KCNMA1: variants seen among roughly 807,000 people sequenced by gnomAD.
KCNMA1 encodes the protein potassium calcium-activated channel subfamily M alpha 1.
A neutral mutation model predicts 140.0 loss-of-function variants in KCNMA1; 29 were observed. The observed-to-expected ratio is 0.21, with a 90% CI of 0.15 to 0.28. The LOEUF (loss-of-function observed/expected upper bound fraction) is 0.28, where lower values mean the gene tolerates loss of function less well. Among genes scored for constraint, KCNMA1 ranks in the 10% least tolerant of loss-of-function variants. The probability of loss-of-function intolerance (pLI) is 1.00; values close to 1 mark genes in which losing one functional copy is unlikely to be tolerated. For synonymous variants in KCNMA1, 612 were observed against 611.9 expected, an observed-to-expected ratio of 1.00 and a Z score of 0.00; for missense variants, 880 against 1,602.2, an observed-to-expected ratio of 0.55 and a Z score of 7.70.
At position 77,084,620 on chromosome 10, in the gene KCNMA1, A is replaced by G; in HGVS notation, c.1523+17T>C. 1 of 1,608,198 alleles carries G rather than the reference A, an allele frequency of 6.2e-7. No homozygotes were observed. The highest frequency in any genetic ancestry group is 8.5e-7 in the Non-Finnish European group (1 of 1,174,524). ...GACTGCCAAGCCCAGGGCCTTCCGC[A>G]GCGCCCCAAGAGTTACCTCATGATA... On this transcript the variant is annotated intron_variant, in intron 12 of 27. Coordinates refer to ENST00000286628, the MANE Select transcript of KCNMA1 (RefSeq NM_001161352.2).
At chr10:77,203,642 C>G (rs914343410) in intron 3 of KCNMA1, among the ~76,000 whole-genome samples, 1 of 151,868 alleles carries the variant, frequency 6.6e-6, no homozygotes, top group Admixed American at 6.6e-5. Flanking sequence ...GCAAAATAGG[C>G]CCTCAATACA....
At chr10:77,044,748 C>T (rs542354313) in intron 14 of KCNMA1, among the ~76,000 whole-genome samples, 42 of 152,236 alleles carry the variant, frequency 2.8e-4, no homozygotes, top group Non-Finnish European at 5.7e-4. Flanking sequence ...TATGAATTCC[C>T]CTTTTATAGA....
intron 1 of KCNMA1, among the ~76,000 whole-genome samples, chr10:77,543,223 C>G (rs917024972): frequency 6.6e-6 from 1 of 152,102 alleles, no homozygotes; most frequent in Non-Finnish European, 1.5e-5. Context: ...GTGGTCCTAC[C>G]CAAAGGAGCA....
At chr10:77,154,387 G>A (rs2098459312) in intron 5 of KCNMA1, among the ~76,000 whole-genome samples, 1 of 152,150 alleles carries the variant, frequency 6.6e-6, no homozygotes, top group African/African-American at 2.4e-5. Flanking sequence ...ATCCAGCACT[G>A]TGCAGCCACC....
intron 21 of KCNMA1, among the ~76,000 whole-genome samples, chr10:76,950,389 C>A (rs1004721380): frequency 6.6e-6 from 1 of 152,198 alleles, no homozygotes; most frequent in Non-Finnish European, 1.5e-5. Context: ...AAACCTCTAT[C>A]TACAAAGGAG....
chr10:77,208,435 G>A (rs2044869798), intron 3 of KCNMA1, among the ~76,000 whole-genome samples: 1 of 152,146 alleles, frequency 6.6e-6, no homozygotes. Context: ...ACTGCAGTAA[G>A]TTATGATCAC....
At chr10:77,120,784 T>A (rs1189346527) in intron 6 of KCNMA1, among the ~76,000 whole-genome samples, 189 bp downstream of exon 6, 3 of 152,136 alleles carry the variant, frequency 2.0e-5, no homozygotes, top group Non-Finnish European at 4.4e-5. Flanking sequence ...CACCACATAG[T>A]TCCCTGGCCC....
intron 15 of KCNMA1, among the ~76,000 whole-genome samples, chr10:77,037,173 G>T (rs560046280): frequency 1.3e-5 from 2 of 152,306 alleles, no homozygotes; most frequent in South Asian, 2.1e-4. Flanking sequence ...CTGAAGGCCA[G>T]TGAAGTTCCA....
At chr10:76,873,957 G>T (rs569163764), downstream of KCNMA1, 1 of 152,246 alleles carries the variant, frequency 6.6e-6, no homozygotes, top group South Asian at 2.1e-4. Context: ...AACATAAATG[G>T]GGAAAATGGC....
chr10:77,082,073 G>C (rs1485758319), intron 12 of KCNMA1, among the ~76,000 whole-genome samples: 1 of 128,712 alleles, frequency 7.8e-6, no homozygotes. Flanking sequence ...CTGTTGCCCA[G>C]GCTGTAGTGC....
chr10:77,070,341 A>G (rs138361786), intron 14 of KCNMA1, among the ~76,000 whole-genome samples: 6 of 152,232 alleles, frequency 3.9e-5, no homozygotes, highest in African/African-American at 1.4e-4. Flanking sequence ...TAAAAAGCCC[A>G]GTGGATAGTC....
intron 1 of KCNMA1, among the ~76,000 whole-genome samples, chr10:77,522,192 A>AATAG (rs980815452): frequency 6.6e-6 from 1 of 151,292 alleles, no homozygotes; most frequent in African/African-American, 2.4e-5. Context: ...TAAATAAATA[A>AATAG]ATAAATAAAT....
rs2061877247 is a variant in KCNMA1, at chr10:76,941,018, G to GAAAGAAAGAAAGA, written c.2902+3754_2902+3755insTCTTTCTTTCTTT. ...GAAAGAAAGGAAGGAAGGAAGGAAG[G>GAAAGAAAGAAAGA]AAGAAAGAAAGAAAGAAAGAAAGAA... On this transcript the variant is annotated intron_variant, in intron 23 of 27. Transcript: ENST00000286628. 2.6e-4 allele frequency among the ~76,000 whole-genome samples: 10 copies of GAAAGAAAGAAAGA among 38,258 alleles called. 1 individual carries two copies. Among genetic ancestry groups the GAAAGAAAGAAAGA allele is most frequent in the African/African-American group, 9.4e-4 (7 of 7,472 alleles). The allele number at this position is 38,258 out of a possible 152,430, so 25.1% of individuals were successfully genotyped here. A position where few individuals can be genotyped will look rare whatever the true frequency, so the allele number is the denominator to read the frequency against.
intron 1 of KCNMA1, among the ~76,000 whole-genome samples, chr10:77,409,467 C>T (rs921737195): frequency 1.3e-5 from 2 of 152,160 alleles, no homozygotes; most frequent in African/African-American, 2.4e-5. Flanking sequence ...GTTGCCTCCC[C>T]GATAAGACAA....
At chr10:77,173,610 C>T (rs1414200921) in intron 5 of KCNMA1, among the ~76,000 whole-genome samples, 1 of 152,126 alleles carries the variant, frequency 6.6e-6, no homozygotes, top group Admixed American at 6.5e-5. Context: ...CTCAAACCCC[C>T]CAACCCCCAC....
At chr10:77,096,643 T>C (rs773962099) in intron 9 of KCNMA1, among the ~76,000 whole-genome samples, 10 of 152,152 alleles carry the variant, frequency 6.6e-5, no homozygotes, top group Non-Finnish European at 1.3e-4. Flanking sequence ...GGAACGAGTA[T>C]AAAGAACTTA....
chr10:77,214,552 C>T (rs1476509753), intron 3 of KCNMA1, among the ~76,000 whole-genome samples: 1 of 152,206 alleles, frequency 6.6e-6, no homozygotes, highest in Non-Finnish European at 1.5e-5. Flanking sequence ...TAAGCTTGCT[C>T]AACTGTCCTC....
chr10:77,169,586 G>T (rs1254427867), intron 5 of KCNMA1, among the ~76,000 whole-genome samples: 2 of 151,826 alleles, frequency 1.3e-5, no homozygotes, highest in Non-Finnish European at 2.9e-5. Flanking sequence ...TAGAGACAGG[G>T]TCTCACTGTG....
At chr10:76,882,245 G>A (rs1022095277), downstream of KCNMA1, among the ~76,000 whole-genome samples, 2 of 152,180 alleles carry the variant, frequency 1.3e-5, no homozygotes, top group African/African-American at 2.4e-5. Context: ...GAAAAGGGGA[G>A]ACAATGATAC....
Sources: allele counts gnomAD v4.1 joint callset (sites outside exome capture counted in the v4.1 genomes callset), GRCh38; gene constraint gnomAD v4.1.1; transcripts MANE v1.5; gene names NCBI Gene and HGNC (gene_info 2026-07-23, HGNC 2026-07-21).